SMOC2: variants seen among roughly 807,000 people sequenced by gnomAD.
The protein encoded by SMOC2 is SPARC related modular calcium binding 2.
SMOC2 carries 39 observed loss-of-function variants against 61.4 expected under a neutral mutation model. The observed-to-expected ratio is 0.64, with a 90% CI of 0.49 to 0.83. The LOEUF is 0.83. Among genes scored for constraint, SMOC2 ranks in the 40% least tolerant of loss-of-function variants. The probability of loss-of-function intolerance (pLI) is 0.00; values close to 1 mark genes in which losing one functional copy is unlikely to be tolerated. For missense variants in SMOC2, 556 were observed against 592.9 expected (o/e 0.94, Z 0.65); for synonymous variants, 247 against 239.9 (o/e 1.03, Z -0.27).
intron 7 of SMOC2, among the ~76,000 whole-genome samples, chr6:168,573,924 G>A (rs575388845): frequency 6.6e-6 from 1 of 152,194 alleles, no homozygotes; most frequent in Non-Finnish European, 1.5e-5. Context: ...TGAACCAGTC[G>A]CTGTGGCCAG....
intron 9 of SMOC2, among the ~76,000 whole-genome samples, chr6:168,613,848 G>T (rs1313575614): frequency 8.3e-6 from 1 of 120,314 alleles, no homozygotes; most frequent in African/African-American, 3.3e-5. Flanking sequence ...CCTACAGCCA[G>T]CACAGGGGGC....
rs6928444 is a variant in SMOC2 at position 168,557,466 on chromosome 6, C to T, written c.637+8263C>T. Among the ~76,000 whole-genome samples, 558 of 152,196 alleles carry T rather than the reference C, an allele frequency of 3.7e-3. 4 individuals are homozygous for T. The highest frequency in any genetic ancestry group is 0.012 in the African/African-American group (511 of 41,518). ...AGTAATCAGAATGAAGCTTTTCAAC[C>T]TAAGTACAGAAAATAGTAATACAAG... is the stretch of plus-strand genomic sequence containing the variant. On this transcript the variant is annotated intron_variant, in intron 7 of 12. Transcript: ENST00000356284.
intron 11 of SMOC2, among the ~76,000 whole-genome samples, chr6:168,660,914 C>A (rs1787493397): frequency 6.6e-6 from 1 of 152,220 alleles, no homozygotes; most frequent in Non-Finnish European, 1.5e-5. Flanking sequence ...AGTTAGAGTT[C>A]TCTTCTTCAG....
chr6:168,446,969 C>T (rs1415816568), intron 1 of SMOC2, among the ~76,000 whole-genome samples: 1 of 152,200 alleles, frequency 6.6e-6, no homozygotes, highest in Non-Finnish European at 1.5e-5. Context: ...ATTAAACTGT[C>T]ACTTAAGAGA....
chr6:168,530,652 C>A (rs1783572927), intron 4 of SMOC2, among the ~76,000 whole-genome samples: 1 of 127,804 alleles, frequency 7.8e-6, no homozygotes, highest in East Asian at 2.1e-4. Context: ...CCCCCCCCCG[C>A]CCCCACACCC....
rs1273144311 is a variant in SMOC2 at position 168,453,542 on chromosome 6, C to T, written c.84+12088C>T. Reference sequence around the variant, plus strand: ...TGTCTCTCTCTGTCTCTTTGTCTCTCTCTGTACCTGTCTCTCTGATTCTCT... The same window carrying T: ...TGTCTCTCTCTGTCTCTTTGTCTCTTTCTGTACCTGTCTCTCTGATTCTCT... On this transcript the variant is annotated intron_variant, in intron 1 of 12. Transcript: ENST00000356284. This position sits in a 1 kb window ranked among gnomAD's most constrained non-coding sequence, Gnocchi z 4.4. 6.6e-6 allele frequency among the ~76,000 whole-genome samples: 1 copy of T among 151,786 alleles called. No homozygotes were observed. The highest frequency in any genetic ancestry group is 1.5e-5 in the Non-Finnish European group (1 of 67,950).
chr6:168,498,605 G>T (rs1782648319), intron 1 of SMOC2, among the ~76,000 whole-genome samples: 1 of 152,278 alleles, frequency 6.6e-6, no homozygotes, highest in African/African-American at 2.4e-5. Context: ...TCCTGCTGCA[G>T]GCTGAGTGGT....
chr6:168,645,028 T>C (rs1303762286), intron 9 of SMOC2, among the ~76,000 whole-genome samples: 1 of 152,248 alleles, frequency 6.6e-6, no homozygotes, highest in African/African-American at 2.4e-5. Context: ...TGAAATAGTT[T>C]ATAATCAATA....
At chr6:168,504,643 C>A (rs935047554) in intron 1 of SMOC2, among the ~76,000 whole-genome samples, 2 of 151,952 alleles carry the variant, frequency 1.3e-5, no homozygotes, top group Non-Finnish European at 2.9e-5. Context: ...CAGCAGATAT[C>A]CCCCCAGATC....
intron 11 of SMOC2, among the ~76,000 whole-genome samples, chr6:168,655,864 C>T (rs1787309822): frequency 1.3e-5 from 2 of 152,020 alleles, no homozygotes; most frequent in Non-Finnish European, 2.9e-5. Flanking sequence ...CGATCCCTTG[C>T]ATGTGTGAGC....
intron 4 of SMOC2, among the ~76,000 whole-genome samples, chr6:168,540,386 G>C (rs1783851529): frequency 6.6e-6 from 1 of 152,242 alleles, no homozygotes; most frequent in African/African-American, 2.4e-5. Context: ...TGGAGAGGCA[G>C]CTTCCGATGG....
chr6:168,633,064 A>G (rs1363838254), intron 9 of SMOC2, among the ~76,000 whole-genome samples: 1 of 152,202 alleles, frequency 6.6e-6, no homozygotes, highest in Admixed American at 6.5e-5. Flanking sequence ...ATGAGAAACC[A>G]GGTAAACCCA....
At chr6:168,613,241 CA>C (rs1392525759) in intron 9 of SMOC2, among the ~76,000 whole-genome samples, 1 of 152,154 alleles carries the variant, frequency 6.6e-6, no homozygotes, top group Non-Finnish European at 1.5e-5. Flanking sequence ...CAGGAAGGTG[CA>C]GGGGAAGTCT....
intron 2 of SMOC2, among the ~76,000 whole-genome samples, chr6:168,511,014 G>A (rs1050293731): frequency 3.9e-5 from 6 of 152,198 alleles, no homozygotes; most frequent in African/African-American, 1.2e-4. Flanking sequence ...TGGAGCAGAT[G>A]TAGAAACCTG....
intron 7 of SMOC2, among the ~76,000 whole-genome samples, chr6:168,573,987 G>C (rs970986474): frequency 2.6e-5 from 4 of 152,368 alleles, no homozygotes; most frequent in African/African-American, 9.6e-5. Flanking sequence ...TCTCTGGAGG[G>C]GGAGGGATGG....
chr6:168,501,375 C>A (rs917487695), intron 1 of SMOC2, among the ~76,000 whole-genome samples: 1 of 152,064 alleles, frequency 6.6e-6, no homozygotes, highest in East Asian at 1.9e-4. Flanking sequence ...AAGAGAGTTG[C>A]AGAGCAAAAA....
In SMOC2 at chr6:168,475,522, G is replaced by A. The variant is rs886589175; in HGVS notation, c.84+34068G>A. On this transcript the variant is annotated intron_variant, in intron 1 of 12. Transcript: ENST00000356284. This position sits in a 1 kb window ranked among gnomAD's most constrained non-coding sequence, Gnocchi z 4.6. ...GGGTGAGATGTTCTGTAAACCTGTG[G>A]CAGGCTGGGGAGAGGAGGCCATGGC... Among the ~76,000 whole-genome samples the A allele has an allele frequency of 1.3e-5, 2 of 152,104 alleles. No individual in the cohort carries two copies. Among genetic ancestry groups the A allele is most frequent in the African/African-American group, 4.8e-5 (2 of 41,428 alleles).
chr6:168,643,609 AG>A (rs1786947348), intron 9 of SMOC2, among the ~76,000 whole-genome samples: 1 of 152,200 alleles, frequency 6.6e-6, no homozygotes, highest in Admixed American at 6.5e-5. Context: ...GGTGGTGGGC[AG>A]GGGCCTTGTC....
rs531069540 is a variant in SMOC2 at position 168,553,819 on chromosome 6, G to A, written c.637+4616G>A. 3.2e-4 allele frequency among the ~76,000 whole-genome samples: 49 copies of A among 152,320 alleles called. No homozygotes were observed. The highest frequency in any genetic ancestry group is 6.5e-4 in the Non-Finnish European group (44 of 68,034). On this transcript the variant is annotated intron_variant, in intron 7 of 12. Transcript: ENST00000356284. The surrounding 1 kb of genome is among the most constrained non-coding windows in gnomAD (Gnocchi z 4.2). Reference sequence around the variant, plus strand: ...CGTGACCTATGGGAAAGAGCACTCAGAAATAATGGGAAGATGGAGAACATG... The same window carrying A: ...CGTGACCTATGGGAAAGAGCACTCAAAAATAATGGGAAGATGGAGAACATG...
Sources: gnomAD v4.1 joint callset for allele counts (sites outside exome capture counted in the v4.1 genomes callset) on GRCh38, gnomAD v4.1.1 for gene constraint, Gnocchi (gnomAD v3.1) non-coding constraint, MANE v1.5 for transcripts, NCBI Gene and HGNC (gene_info 2026-07-23, HGNC 2026-07-21) for gene names.